The following SEC24B variants were observed in gnomAD, a reference collection of about 807,000 sequenced individuals.
SEC24B encodes the protein SEC24 homolog B, COPII component.
SEC24B carries 45 observed loss-of-function variants against 142.8 expected under a neutral mutation model. That is an observed-to-expected ratio of 0.32 (90% CI 0.25 to 0.40). The LOEUF is 0.40. SEC24B is among the 10% of genes least tolerant of loss of function. The pLI is 1.00. For missense variants in SEC24B, 1,409 were observed against 1,526.8 expected (o/e 0.92, Z 1.29); for synonymous variants, 574 against 568.2 (o/e 1.01, Z -0.15).
chr4:109,528,942 CACTTA>C (rs1261746873), intron 18 of SEC24B, among the ~76,000 whole-genome samples: 3 of 152,164 alleles, frequency 2.0e-5, no homozygotes, highest in African/African-American at 2.4e-5. Context: ...GCAAGTGGAT[CACTTA>C]ACTTCAGGAG....
chr4:109,479,304 C>CGGT (rs146802575), intron 3 of SEC24B, among the ~76,000 whole-genome samples: 10,891 of 152,080 alleles, frequency 0.072, 544 homozygotes, highest in African/African-American at 0.14. Context: ...CTTCTCCATT[C>CGGT]GGTGGTGGTG....
At position 109,539,997 on chromosome 4, in the gene SEC24B, A is replaced by G. The variant is rs145441024; in HGVS notation, c.*322A>G. On this transcript the variant is annotated 3_prime_UTR_variant, in exon 24 of 24. Transcript: ENST00000265175. ...GTAGCTATGTGGAATGATATGTCAT[A>G]ATGTAAAATTAGATAAATTCTTTTT... The G allele has an allele frequency of 5.2e-6, 1 of 192,996 alleles. No individual in the cohort carries two copies. The highest frequency in any genetic ancestry group is 6.0e-5 in the Admixed American group (1 of 16,678). 12.0% of individuals were successfully genotyped at this position (192,996 alleles called of 1,614,324 possible).
chr4:109,495,715 T>C (rs1219847891), intron 6 of SEC24B, among the ~76,000 whole-genome samples: 1 of 152,172 alleles, frequency 6.6e-6, no homozygotes, highest in Non-Finnish European at 1.5e-5. Context: ...TCTTGTCTGC[T>C]CGTGTGACTG....
intron 10 of SEC24B, among the ~76,000 whole-genome samples, chr4:109,515,236 G>T (rs1283375255): frequency 1.3e-5 from 2 of 152,002 alleles, no homozygotes; most frequent in African/African-American, 4.8e-5. Flanking sequence ...GAGTAGCTAG[G>T]ACTACAGGCT....
chr4:109,506,287 G>C, intron 6 of SEC24B, 41 bp from the exon 7 acceptor site: 1 of 1,394,672 alleles, frequency 7.2e-7, no homozygotes, highest in East Asian at 2.5e-5. Context: ...ATTTATTTAT[G>C]TTTTATTGTT....
chr4:109,510,518 A>G (rs192866800), intron 8 of SEC24B, among the ~76,000 whole-genome samples: 15 of 152,272 alleles, frequency 9.9e-5, no homozygotes, highest in Admixed American at 2.6e-4. Flanking sequence ...CTGGATTTTG[A>G]AAGATTAGTA....
At chr4:109,480,519 G>T (rs1191666780) in intron 3 of SEC24B, among the ~76,000 whole-genome samples, 1 of 151,430 alleles carries the variant, frequency 6.6e-6, no homozygotes, top group East Asian at 1.9e-4. Flanking sequence ...GTCTTGCTCT[G>T]TCACCAGGCT....
intron 4 of SEC24B, among the ~76,000 whole-genome samples, chr4:109,482,930 C>G (rs111664319): frequency 0.074 from 5,811 of 78,378 alleles, 273 homozygotes; most frequent in African/African-American, 0.094. Flanking sequence ...CCTTGCCAGG[C>G]TTGTACTATA....
At chr4:109,499,970 T>C (rs183596484) in intron 6 of SEC24B, among the ~76,000 whole-genome samples, 18 of 152,314 alleles carry the variant, frequency 1.2e-4, no homozygotes, top group Middle Eastern at 3.4e-3. Context: ...TACATGTTAT[T>C]ACACCTTAAG....
chr4:109,529,288 T>C (rs1724628898), intron 18 of SEC24B, among the ~76,000 whole-genome samples: 1 of 152,164 alleles, frequency 6.6e-6, no homozygotes, highest in Admixed American at 6.5e-5. Flanking sequence ...GGAGTACATA[T>C]GCACGTTCGT....
intron 4 of SEC24B, 34 bp from the exon 5 acceptor site, chr4:109,491,293 T>C: frequency 1.3e-6 from 2 of 1,538,450 alleles, no homozygotes; most frequent in Admixed American, 1.7e-5. Flanking sequence ...CTTTGTCATT[T>C]TAAACCTAGT....
chr4:109,460,386 T>A (rs756444133), intron 1 of SEC24B, among the ~76,000 whole-genome samples: 1 of 152,178 alleles, frequency 6.6e-6, no homozygotes, highest in Admixed American at 6.5e-5. Context: ...TTCTATTAAA[T>A]TATCCTTTGA....
At chr4:109,460,738 A>G (rs1177325019) in intron 1 of SEC24B, among the ~76,000 whole-genome samples, 1 of 151,356 alleles carries the variant, frequency 6.6e-6, no homozygotes, top group Non-Finnish European at 1.5e-5. Context: ...CATTTAGAAC[A>G]GTGAATGGCA....
At chr4:109,478,094 C>T (rs1404323910) in intron 3 of SEC24B, among the ~76,000 whole-genome samples, 2 of 152,050 alleles carry the variant, frequency 1.3e-5, no homozygotes, top group East Asian at 1.9e-4. Flanking sequence ...CCAGTCTGGC[C>T]AACATGGTGA....
At chr4:109,461,057 A>T (rs1731205646) in intron 1 of SEC24B, among the ~76,000 whole-genome samples, 1 of 152,182 alleles carries the variant, frequency 6.6e-6, no homozygotes, top group African/African-American at 2.4e-5. Context: ...CTTACAGCAC[A>T]TAACATTAGG....
intron 20 of SEC24B, 130 bp from the exon 21 acceptor site, chr4:109,532,509 G>GTAT: frequency 1.5e-6 from 1 of 667,022 alleles, no homozygotes; most frequent in Non-Finnish European, 2.7e-6. Flanking sequence ...CATATAATCA[G>GTAT]TATTTTTTAT....
At chr4:109,514,082 A>G (rs949392828) in intron 10 of SEC24B, among the ~76,000 whole-genome samples, 1 of 152,216 alleles carries the variant, frequency 6.6e-6, no homozygotes, top group African/African-American at 2.4e-5. Context: ...CTGTCTTATG[A>G]TGGGCACTAG....
intron 22 of SEC24B, among the ~76,000 whole-genome samples, chr4:109,536,878 C>T (rs951749578): frequency 6.6e-6 from 1 of 150,658 alleles, no homozygotes. Context: ...CTTTGTAAGT[C>T]GGTGATTCAA....
rs562816854 is a variant in SEC24B at position 109,496,554 on chromosome 4, T to C, written c.1488+1698T>C. Among the ~76,000 whole-genome samples, 9 of 152,320 alleles carry C rather than the reference T, an allele frequency of 5.9e-5. No individual in the cohort carries two copies. The South Asian group carries it at 1.9e-3, about 32-fold the overall frequency. On this transcript the variant is annotated intron_variant, in intron 6 of 23. Transcript: ENST00000265175. ...AGTGAGGAGTAGTGGCTTACTCATG[T>C]AGTTCTAGCTACTCAAGACTAAAGT...
Sources: allele counts gnomAD v4.1 joint callset (sites outside exome capture counted in the v4.1 genomes callset), GRCh38; gene constraint gnomAD v4.1.1; transcripts MANE v1.5; gene names NCBI Gene and HGNC (gene_info 2026-07-23, HGNC 2026-07-21).